Variants in DCC observed in about 807,000 individuals in gnomAD.
DCC encodes DCC netrin 1 receptor.
Under a neutral mutation model 172.5 loss-of-function variants are expected in DCC, and 58 were observed. The ratio of observed to expected loss-of-function variants is 0.34; its 90% CI spans 0.27 to 0.42. DCC has a LOEUF of 0.42. Ranked by LOEUF, DCC falls within the 10% of genes least tolerant of loss-of-function variation. DCC has a pLI of 1.00. For synonymous variants in DCC, 709 were observed against 644.5 expected (o/e 1.10, Z -1.52); for missense variants, 1,740 against 1,791.0 (o/e 0.97, Z 0.51).
rs1264251167 is a variant in DCC at position 53,317,110 on chromosome 18, T to C, written c.2054-4937T>C. On this transcript the variant is annotated intron_variant, in intron 13 of 28. Coordinates refer to ENST00000442544, the MANE Select transcript of DCC (RefSeq NM_005215.4). ...ATAAGTAGCTCATATTATTTTGAGA[T>C]ACGTTCCATCAATACCTAGTTTATT... Among the ~76,000 whole-genome samples, 4 of 151,588 alleles carry C rather than the reference T, an allele frequency of 2.6e-5. No individual in the cohort carries two copies. The East Asian group carries it at 7.8e-4, about 29-fold the overall frequency.
chr18:52,530,543 T>C (rs2032118960), intron 1 of DCC, among the ~76,000 whole-genome samples: 1 of 152,212 alleles, frequency 6.6e-6, no homozygotes, highest in African/African-American at 2.4e-5. Context: ...AAAACATACT[T>C]AGTAAATGGT....
chr18:52,621,678 A>G (rs2034483273), intron 1 of DCC, among the ~76,000 whole-genome samples: 1 of 152,164 alleles, frequency 6.6e-6, no homozygotes, highest in South Asian at 2.1e-4. Context: ...CTTAGTAAAC[A>G]TGTTGGGTCT....
At chr18:53,328,463 GTGT>G (rs1341205683) in intron 14 of DCC, among the ~76,000 whole-genome samples, 1 of 151,866 alleles carries the variant, frequency 6.6e-6, no homozygotes, top group East Asian at 1.9e-4. Flanking sequence ...GCTCAACAGT[GTGT>G]TGTTCTTCTG....
Position 53,128,870 on chromosome 18 carries a change from C to CATATATAT in DCC, c.1262-28459_1262-28452dup, listed in dbSNP as rs367907467. Among the ~76,000 whole-genome samples, 102 of 77,448 alleles carry CATATATAT rather than the reference C, an allele frequency of 1.3e-3. 1 individual carries two copies. In the East Asian group the frequency reaches 0.014, roughly 11 times the overall value. 50.8% of individuals were successfully genotyped at this position (77,448 alleles called of 152,430 possible). A position where few individuals can be genotyped will look rare whatever the true frequency, so the allele number is the denominator to read the frequency against. On this transcript the variant is annotated intron_variant, in intron 7 of 28. Coordinates refer to ENST00000442544, the MANE Select transcript of DCC (RefSeq NM_005215.4). Reference sequence around the variant, plus strand: ...ACACACACACACACACACACACACACATATATATATATATATATATATATA... The same window carrying CATATATAT: ...ACACACACACACACACACACACACACATATATATATATATATATATATATATATATATA...
intron 1 of DCC, among the ~76,000 whole-genome samples, chr18:52,725,623 G>T (rs897762246): frequency 1.3e-5 from 2 of 152,146 alleles, no homozygotes; most frequent in African/African-American, 2.4e-5. Flanking sequence ...GGGAGGTGTT[G>T]CCTGTGGAGG....
chr18:52,359,118 G>C (rs1030012432), intron 1 of DCC, among the ~76,000 whole-genome samples: 6 of 152,098 alleles, frequency 3.9e-5, no homozygotes, highest in African/African-American at 1.4e-4. Context: ...TAGCCTTTCT[G>C]TCTCCAACCC....
chr18:52,467,472 A>C (rs1313013006), intron 1 of DCC, among the ~76,000 whole-genome samples: 1 of 152,156 alleles, frequency 6.6e-6, no homozygotes, highest in African/African-American at 2.4e-5. Context: ...GTTGATTCGA[A>C]GTCTTTGCTA....
Position 53,428,992 on chromosome 18 carries a change from ATTTT to A in DCC, c.3164-6149_3164-6146del, listed in dbSNP as rs1210924525. Among the ~76,000 whole-genome samples, 4 of 56,534 alleles carry A rather than the reference ATTTT, an allele frequency of 7.1e-5. 1 individual carries two copies. The highest frequency in any genetic ancestry group is 1.1e-4 in the Non-Finnish European group (3 of 26,816). 37.1% of individuals were successfully genotyped at this position (56,534 alleles called of 152,430 possible). On this transcript the variant is annotated intron_variant, in intron 21 of 28. Coordinates refer to ENST00000442544, the MANE Select transcript of DCC (RefSeq NM_005215.4). ...TATATAACATATATATATTTTATAT[ATTTT>A]TTATATAATATATATTTTATATATT...
chr18:52,439,832 T>C (rs1987919169), intron 1 of DCC, among the ~76,000 whole-genome samples: 1 of 152,202 alleles, frequency 6.6e-6, no homozygotes, highest in Non-Finnish European at 1.5e-5. Flanking sequence ...GTATTACGCA[T>C]TGCATGCCTG....
At chr18:53,506,587 G>A (rs1244929243) in intron 27 of DCC, among the ~76,000 whole-genome samples, 2 of 152,264 alleles carry the variant, frequency 1.3e-5, no homozygotes, top group South Asian at 2.1e-4. Flanking sequence ...GCCAGGTGTG[G>A]TGGCTCACAC....
chr18:52,723,804 A>G (rs961068802), intron 1 of DCC, among the ~76,000 whole-genome samples: 2 of 152,168 alleles, frequency 1.3e-5, no homozygotes, highest in African/African-American at 4.8e-5. Context: ...TGAAAACCCA[A>G]ATTACACAGA....
rs1391914934 is a variant in DCC, at chr18:52,609,960, G to T, written c.92-142094G>T. Among the ~76,000 whole-genome samples, 10 of 151,030 alleles carry T rather than the reference G, an allele frequency of 6.6e-5. No individual in the cohort carries two copies. The East Asian group carries it at 2.0e-3, about 30-fold the overall frequency. On this transcript the variant is annotated intron_variant, in intron 1 of 28. Coordinates refer to ENST00000442544, the MANE Select transcript of DCC (RefSeq NM_005215.4). ...TTTTTATCTTCAAAAGGGTAAAATA[G>T]GTTAAATGTACTGGTTTCTAAAAGA...
intron 5 of DCC, among the ~76,000 whole-genome samples, chr18:52,930,887 A>G (rs2040297542): frequency 6.6e-6 from 1 of 152,136 alleles, no homozygotes. Flanking sequence ...TTTTTATTCT[A>G]TGAACCATGC....
At chr18:52,467,879 A>G (rs893575333) in intron 1 of DCC, among the ~76,000 whole-genome samples, 3 of 152,130 alleles carry the variant, frequency 2.0e-5, no homozygotes, top group African/African-American at 4.8e-5. Context: ...CCCTTTGCCC[A>G]CTTTATGATG....
intron 1 of DCC, among the ~76,000 whole-genome samples, chr18:52,600,540 AG>A (rs2033995708): frequency 6.6e-6 from 1 of 152,166 alleles, no homozygotes; most frequent in Admixed American, 6.5e-5. Flanking sequence ...TGCCACTAAA[AG>A]CTCATTGGAT....
chr18:52,862,903 C>T (rs2039166465), intron 2 of DCC, among the ~76,000 whole-genome samples: 1 of 152,046 alleles, frequency 6.6e-6, no homozygotes, highest in Admixed American at 6.6e-5. Flanking sequence ...TTTACTATGT[C>T]TTGTTAATGC....
intron 1 of DCC, among the ~76,000 whole-genome samples, chr18:52,550,796 A>C (rs1046340305): frequency 4.6e-5 from 7 of 151,778 alleles, no homozygotes; most frequent in African/African-American, 7.2e-5. Flanking sequence ...TAACAGATGC[A>C]CTATACTAGT....
At chr18:52,482,854 G>T (rs1025782735) in intron 1 of DCC, among the ~76,000 whole-genome samples, 25 of 152,124 alleles carry the variant, frequency 1.6e-4, no homozygotes, top group Non-Finnish European at 3.1e-4. Flanking sequence ...TTCGTATGTT[G>T]GATGTCTCAT....
intron 1 of DCC, among the ~76,000 whole-genome samples, chr18:52,730,797 G>A (rs914445804): frequency 3.3e-5 from 5 of 152,114 alleles, no homozygotes; most frequent in South Asian, 4.1e-4. Flanking sequence ...TGAGGCCTTC[G>A]AAGTTCACTG....
Sources: gnomAD v4.1 joint callset for allele counts (sites outside exome capture counted in the v4.1 genomes callset) on GRCh38, gnomAD v4.1.1 for gene constraint, MANE v1.5 for transcripts, NCBI Gene and HGNC (gene_info 2026-07-23, HGNC 2026-07-21) for gene names.